NSD1: variants seen among roughly 807,000 people sequenced by gnomAD.
NSD1 encodes histone-lysine N-methyltransferase, H3 lysine-36 specific.
In NSD1, 26 loss-of-function variants were observed where a neutral mutation model predicts 242.7. That is an observed-to-expected ratio of 0.11 (90% CI 0.08 to 0.15). The LOEUF (loss-of-function observed/expected upper bound fraction) is 0.15. Ranked by LOEUF, NSD1 falls within the 10% of genes least tolerant of loss-of-function variation. The probability of loss-of-function intolerance (pLI) is 1.00; values close to 1 mark genes in which losing one functional copy is unlikely to be tolerated. For missense variants in NSD1, 2,495 were observed against 3,272.8 expected, an observed-to-expected ratio of 0.76 and a Z score of 5.80; for synonymous variants, 1,106 against 1,178.1, an observed-to-expected ratio of 0.94 and a Z score of 1.25.
chr5:177,257,523 G>T (rs1756587599), intron 13 of NSD1, among the ~76,000 whole-genome samples: 2 of 152,092 alleles, frequency 1.3e-5, no homozygotes, highest in East Asian at 3.9e-4. Context: ...GAGCCGCTGC[G>T]CCCGGCCGGC....
intron 2 of NSD1, among the ~76,000 whole-genome samples, chr5:177,188,920 C>T (rs1302309335): frequency 6.6e-6 from 1 of 151,914 alleles, no homozygotes; most frequent in Non-Finnish European, 1.5e-5. Flanking sequence ...ATTTTCCAGG[C>T]ATGTTGGTGA....
At chr5:177,149,571 C>G (rs1757535219) in intron 2 of NSD1, among the ~76,000 whole-genome samples, 1 of 152,000 alleles carries the variant, frequency 6.6e-6, no homozygotes, top group Admixed American at 6.6e-5. Flanking sequence ...CTTTTTGGCA[C>G]CAGGGACCAA....
At chr5:177,285,330 A>G (rs1403136749) in intron 20 of NSD1, among the ~76,000 whole-genome samples, 1 of 152,024 alleles carries the variant, frequency 6.6e-6, no homozygotes, top group Non-Finnish European at 1.5e-5. Context: ...TTGGGAGGCC[A>G]ACACGGGCAG....
intron 2 of NSD1, among the ~76,000 whole-genome samples, chr5:177,177,283 G>C (rs984143934): frequency 6.6e-6 from 1 of 152,126 alleles, no homozygotes; most frequent in Non-Finnish European, 1.5e-5. Context: ...GGGAGGCTGA[G>C]GTGGGTGGGT....
At chr5:177,239,403 T>TTA (rs1249345498) in intron 7 of NSD1, among the ~76,000 whole-genome samples, 2 of 152,202 alleles carry the variant, frequency 1.3e-5, no homozygotes, top group East Asian at 3.8e-4. Context: ...CTTTGTCCAT[T>TTA]TATGACCATG....
At chr5:177,243,597 G>A (rs1766055493) in intron 8 of NSD1, among the ~76,000 whole-genome samples, 1 of 152,226 alleles carries the variant, frequency 6.6e-6, no homozygotes, top group East Asian at 1.9e-4. Context: ...TTCAGTCACA[G>A]AAAGCATTGT....
intron 2 of NSD1, among the ~76,000 whole-genome samples, chr5:177,152,494 T>C (rs1479106357): frequency 1.3e-5 from 2 of 149,068 alleles, no homozygotes; most frequent in Non-Finnish European, 3.0e-5. Context: ...TTTTTTTTTT[T>C]TTTGAGACGG....
At position 177,209,948 on chromosome 5, in the gene NSD1, C is replaced by G. The variant is rs1131692328; in HGVS notation, c.1549C>G (p.Gln517Glu). The G allele has an allele frequency of 2.5e-6, 4 of 1,613,966 alleles. No individual in the cohort carries two copies. Among genetic ancestry groups the G allele is most frequent in the East Asian group, 2.2e-5 (1 of 44,892 alleles). ...KRTSVKKGHI[Q>E]FEAHKDERRG... ...GACTAGTGTGAAAAAGGGCCACATACAATTTGAAGCACATAAAGATGAACG... is the reference window on the plus strand; with the variant it reads ...GACTAGTGTGAAAAAGGGCCACATAGAATTTGAAGCACATAAAGATGAACG... The change falls in exon 5 of 23, where the codon CAA (glutamine) becomes GAA (glutamate). Residue 517 changes from glutamine to glutamate, a missense_variant. Around this residue, in one of 19 missense-constraint regions of NSD1, gnomAD observed 515 missense variants for 467.0 expected, o/e 1.10. Transcript: ENST00000439151.
intron 17 of NSD1, among the ~76,000 whole-genome samples, chr5:177,274,786 T>C (rs1470753821): frequency 6.6e-6 from 1 of 151,940 alleles, no homozygotes; most frequent in East Asian, 1.9e-4. Flanking sequence ...TAGGCTGGAG[T>C]GCAGTGGTGC....
At chr5:177,167,877 T>C (rs1759343528) in intron 2 of NSD1, among the ~76,000 whole-genome samples, 1 of 152,196 alleles carries the variant, frequency 6.6e-6, no homozygotes, top group African/African-American at 2.4e-5. Context: ...GGAGCATCTG[T>C]ATTGTTTTGG....
intron 11 of NSD1, among the ~76,000 whole-genome samples, chr5:177,251,218 C>T (rs1334195054): frequency 6.6e-6 from 1 of 151,794 alleles, no homozygotes; most frequent in East Asian, 1.9e-4. Flanking sequence ...ATAAATCTTA[C>T]AATGTTTTAT....
In NSD1 at chr5:177,211,566, T is replaced by C; in HGVS notation, c.3167T>C (p.Leu1056Pro). ...KALKTERKRK[L>P]NQLPSVTLDA... The stretch of plus-strand genomic sequence containing the variant: ...TTAAAGACCGAGCGCAAAAGAAAAC[T>C]GAATCAGCTTCCAAGTGTGACTCTT... Residue 1056 changes from leucine to proline, a missense_variant, in exon 5 of 23, where the codon CTG becomes CCG. This residue lies in a region of NSD1 where 426 missense variants were observed against 411.4 expected (regional missense o/e 1.04). Transcript: ENST00000439151. The C allele has an allele frequency of 3.1e-6, 5 of 1,614,024 alleles. No individual in the cohort carries two copies. Among genetic ancestry groups the C allele is most frequent in the Non-Finnish European group, 4.2e-6 (5 of 1,180,010 alleles).
chr5:177,284,237 C>T (rs557597860), intron 20 of NSD1, among the ~76,000 whole-genome samples: 17 of 152,276 alleles, frequency 1.1e-4, no homozygotes, highest in African/African-American at 4.1e-4. Flanking sequence ...TATAAATGGA[C>T]AATATTTGTC....
In NSD1 at chr5:177,208,883, A is replaced by G. The variant is rs555089643; in HGVS notation, c.1237-753A>G. Among the ~76,000 whole-genome samples, 117 of 151,598 alleles carry G rather than the reference A, an allele frequency of 7.7e-4. 3 individuals carry two copies. Among genetic ancestry groups the G allele is most frequent in the African/African-American group, 2.7e-3 (113 of 41,298 alleles). On this transcript the variant is annotated intron_variant, in intron 4 of 22. Transcript: ENST00000439151. ...GCTAATTTTTTTATTTTTAGTAGAG[A>G]TGGGGTTTGGCGATGTTGGCCAGGG...
At chr5:177,165,564 C>T (rs918295369) in intron 2 of NSD1, among the ~76,000 whole-genome samples, 1 of 151,932 alleles carries the variant, frequency 6.6e-6, no homozygotes, top group African/African-American at 2.4e-5. Flanking sequence ...TTTTTTCCCC[C>T]ATTCTGTTTC....
intron 2 of NSD1, among the ~76,000 whole-genome samples, chr5:177,139,594 T>C (rs999815283): frequency 6.6e-6 from 1 of 152,238 alleles, no homozygotes; most frequent in Non-Finnish European, 1.5e-5. Context: ...GTTATTGATA[T>C]AGTAGGTATT....
intron 5 of NSD1, among the ~76,000 whole-genome samples, chr5:177,221,333 T>C (rs745496862): frequency 6.6e-6 from 1 of 152,128 alleles, no homozygotes; most frequent in Non-Finnish European, 1.5e-5. Context: ...CTTTGTTTTC[T>C]TTATCATTTC....
intron 2 of NSD1, among the ~76,000 whole-genome samples, chr5:177,141,004 C>G (rs766568395): frequency 1.3e-5 from 2 of 152,036 alleles, no homozygotes; most frequent in Non-Finnish European, 2.9e-5. Context: ...TCCCTCCTGG[C>G]TGGGTGACCT....
rs2149846367 is a variant in NSD1 at position 177,211,230 on chromosome 5, G to A, written c.2831G>A (p.Cys944Tyr). 1.2e-5 allele frequency: 20 copies of A among 1,614,010 alleles called. No homozygotes were observed. The highest frequency in any genetic ancestry group is 1.6e-5 in the Non-Finnish European group (19 of 1,179,944). ...VSYRSPGRGD[C>Y]STNSPVGVSK... ...TACCGGAGTCCTGGTCGTGGGGACT[G>A]TTCTACTAATAGTCCTGTAGGAGTC... The change falls in exon 5 of 23, where the codon TGT becomes TAT. Residue 944 changes from cysteine to tyrosine, a missense_variant. By Grantham distance (194) the Cys-to-Tyr change is radical. Coordinates refer to ENST00000439151, the MANE Select transcript of NSD1 (RefSeq NM_022455.5).
Sources: allele counts gnomAD v4.1 joint callset (sites outside exome capture counted in the v4.1 genomes callset), GRCh38; gene constraint gnomAD v4.1.1; regional missense constraint gnomAD v4.1.1; transcripts MANE v1.5; gene names NCBI Gene and HGNC (gene_info 2026-07-23, HGNC 2026-07-21).